TAF7L: variants seen among roughly 807,000 people sequenced by gnomAD.
TAF7L encodes transcription initiation factor TFIID subunit 7-like.
Under a neutral mutation model 30.2 loss-of-function variants are expected in TAF7L, and 6 were observed. The ratio of observed to expected loss-of-function variants is 0.20; its 90% CI spans 0.11 to 0.39. The LOEUF (loss-of-function observed/expected upper bound fraction) is 0.39. TAF7L is among the 10% of genes least tolerant of loss of function. The pLI is 1.00. For synonymous variants in TAF7L, 93 were observed against 94.5 expected, an observed-to-expected ratio of 0.98 and a Z score of 0.09; for missense variants, 284 against 277.1, an observed-to-expected ratio of 1.03 and a Z score of -0.18.
rs755730456 is a variant in TAF7L at position 101,276,426 on chromosome X, TCA to T, written c.792_793del (p.Asp264GlufsTer3). ...CTCCTCCTCTTCTTTGTCTTCATCT[TCA>T]TCCTCATCCTCATCCTCATCCTCAT... On this transcript the variant is annotated frameshift_variant, in exon 10 of 13. Transcript: ENST00000356784. LOFTEE classifies it high-confidence loss of function. 1 of 817,163 alleles carries T rather than the reference TCA, an allele frequency of 1.2e-6. No homozygotes were observed. 67.3% of individuals were successfully genotyped at this position (817,163 alleles called of 1,213,427 possible).
Position 101,276,069 on chromosome X carries a change from G to C in TAF7L, c.957C>G (p.Leu319=). The C allele has an allele frequency of 8.3e-7, 1 of 1,206,560 alleles. No individual in the cohort carries two copies. The highest frequency in any genetic ancestry group is 3.0e-5 in the East Asian group (1 of 33,790). Residue 319 remains leucine (L), a synonymous_variant, in exon 11 of 13, where the codon CTC becomes CTG. Transcript: ENST00000356784. ...TTTGTGCTTTATTCTGAATCTTATG[G>C]AGCTTTTTCTCCTTTTTCTCAATCT... The part of the protein sequence containing the change: ...QKQIEKKEKK[L]HKIQNKAQRQ...
intron 4 of TAF7L, among the ~76,000 whole-genome samples, chrX:101,282,886 C>T (rs953229104): frequency 9.0e-6 from 1 of 111,081 alleles, no homozygotes; most frequent in African/African-American, 3.3e-5. Flanking sequence ...CCACCTCAAT[C>T]TCTAGAATAG....
Position 101,279,044 on chromosome X carries a change from T to C in TAF7L, c.463-9A>G, listed in dbSNP as rs777318216. The stretch of plus-strand genomic sequence containing the variant: ...TCTTTGACATCAGGGACCTATGAAA[T>C]AAAACACAATAAACAAGTTATATTA... On this transcript the variant is annotated splice_polypyrimidine_tract_variant and intron_variant, in intron 6 of 12. Coordinates refer to ENST00000356784, the MANE Select transcript of TAF7L (RefSeq NM_001168474.2). The C allele has an allele frequency of 3.2e-5, 38 of 1,184,056 alleles. No homozygotes were observed. Among genetic ancestry groups the C allele is most frequent in the Non-Finnish European group, 4.1e-5 (36 of 871,982 alleles).
intron 1 of TAF7L, 58 bp from the exon 2 acceptor site, chrX:101,287,603 C>T (rs1467201533): frequency 3.2e-5 from 31 of 961,853 alleles, no homozygotes; most frequent in Non-Finnish European, 4.3e-5. Context: ...TCCTCTTGCT[C>T]CCTCTCCTGA....
In TAF7L at chrX:101,279,008, T is replaced by A. The variant is rs769268408; in HGVS notation, c.490A>T (p.Ser164Cys). ...GATTGCTCTACCTCAGTAAAGCTGC[T>A]TTTTTCCATTTCTTTGACATCAGGG... ...KVPDVKEMEK[S>C]SFTEYIESPD... The change falls in exon 7 of 13, where the codon AGC (serine) becomes TGC (cysteine). Residue 164 changes from serine (S) to cysteine (C), a missense_variant. Ser to Cys is a moderately radical substitution (Grantham distance 112). Coordinates refer to ENST00000356784, the MANE Select transcript of TAF7L (RefSeq NM_001168474.2). 2.0e-5 allele frequency: 24 copies of A among 1,203,543 alleles called. No homozygotes were observed. The highest frequency in any genetic ancestry group is 2.7e-5 in the Non-Finnish European group (24 of 890,099).
intron 12 of TAF7L, 98 bp from the exon 13 acceptor site, chrX:101,269,335 G>A: frequency 1.3e-6 from 1 of 764,074 alleles, no homozygotes; most frequent in Non-Finnish European, 2.0e-6. Context: ...AAGAACTACT[G>A]TTATTTGGCA....
intron 12 of TAF7L, among the ~76,000 whole-genome samples, chrX:101,270,511 A>C (rs755341358): frequency 7.2e-5 from 8 of 111,212 alleles, no homozygotes; most frequent in African/African-American, 2.6e-4. Flanking sequence ...CTTGCTGAAC[A>C]ATCAACCAGG....
intron 12 of TAF7L, among the ~76,000 whole-genome samples, chrX:101,271,128 C>G (rs988894080): frequency 2.7e-5 from 3 of 111,601 alleles, no homozygotes; most frequent in African/African-American, 9.8e-5. Context: ...ATCATAGCTC[C>G]CTGTAGAGCC....
chrX:101,275,112 T>C (rs1327017519), intron 12 of TAF7L, 110 bp downstream of exon 12: 2 of 579,540 alleles, frequency 3.5e-6, no homozygotes, highest in Non-Finnish European at 5.6e-6. Context: ...TTTAGAAGAT[T>C]TGGCTACCAC....
intron 3 of TAF7L, 146 bp from the exon 4 acceptor site, chrX:101,283,729 TA>T: frequency 1.2e-5 from 7 of 600,448 alleles, no homozygotes; most frequent in Non-Finnish European, 1.5e-5. Flanking sequence ...TGTACACAAT[TA>T]ATAGCTTCCT....
At chrX:101,292,918 T>C (rs893892937), upstream of TAF7L, 112 of 1,208,867 alleles carry the variant, frequency 9.3e-5, no homozygotes, top group Non-Finnish European at 1.2e-4. Context: ...GCTGCTTTCA[T>C]AGGTGGTTTC....
At chrX:101,283,364 G>A (rs1162353394) in intron 4 of TAF7L, 86 bp downstream of exon 4, 5 of 1,015,273 alleles carry the variant, frequency 4.9e-6, no homozygotes, top group African/African-American at 1.9e-5. Flanking sequence ...TTCACCAAGT[G>A]GAAAGGAGTA....
At chrX:101,288,210 C>T (rs1029529917) in intron 1 of TAF7L, among the ~76,000 whole-genome samples, 9 of 107,544 alleles carry the variant, frequency 8.4e-5, no homozygotes, top group Admixed American at 8.0e-4. Flanking sequence ...GGTGCGATCT[C>T]GGCTCACTGC....
intron 12 of TAF7L, among the ~76,000 whole-genome samples, chrX:101,270,935 A>G (rs936973525): frequency 9.0e-6 from 1 of 111,389 alleles, no homozygotes; most frequent in African/African-American, 3.3e-5. Flanking sequence ...CTGCTTTCTC[A>G]TGGAATGCAC....
chrX:101,291,207 T>G lies in TAF7L; in HGVS notation c.-3+17A>C. 2 of 727,775 alleles carry G rather than the reference T, an allele frequency of 2.7e-6. No individual in the cohort carries two copies. Among genetic ancestry groups the G allele is most frequent in the Non-Finnish European group, 3.2e-6 (2 of 615,916 alleles). 60.0% of individuals were successfully genotyped at this position (727,775 alleles called of 1,213,427 possible). A position where few individuals can be genotyped will look rare whatever the true frequency, so the allele number is the denominator to read the frequency against. On this transcript the variant is annotated intron_variant, in intron 1 of 12. Transcript: ENST00000356784. ...CGCTGACCCGGTCCCGGCCGCCCGGTCGGCCGCCCGACTCACCCGCTCCTC... is the reference window on the plus strand; with the variant it reads ...CGCTGACCCGGTCCCGGCCGCCCGGGCGGCCGCCCGACTCACCCGCTCCTC...
chrX:101,269,355 T>C, intron 12 of TAF7L, 118 bp from the exon 13 acceptor site: 2 of 643,494 alleles, frequency 3.1e-6, no homozygotes, highest in Non-Finnish European at 4.9e-6. Flanking sequence ...ATTTATAAGG[T>C]TATCTTAGTC....
chrX:101,275,957 A>G (rs763972588), intron 11 of TAF7L, 43 bp downstream of exon 11: 1 of 965,116 alleles, frequency 1.0e-6, no homozygotes, highest in South Asian at 2.2e-5. Context: ...CAAGATACTG[A>G]AAGTAAGATA....
intron 9 of TAF7L, among the ~76,000 whole-genome samples, chrX:101,277,176 A>G (rs1168114452): frequency 1.2e-5 from 1 of 85,004 alleles, no homozygotes; most frequent in East Asian, 3.7e-4. Flanking sequence ...AAAAAAAAAA[A>G]GGCCAGGCAC....
intron 3 of TAF7L, among the ~76,000 whole-genome samples, chrX:101,285,497 C>CAAAA (rs768979097): frequency 4.3e-5 from 1 of 23,119 alleles, no homozygotes; most frequent in African/African-American, 1.2e-4. Context: ...GACTCCATCT[C>CAAAA]AAAAAAAAAA....
Sources: allele counts gnomAD v4.1 joint callset (sites outside exome capture counted in the v4.1 genomes callset), GRCh38; gene constraint gnomAD v4.1.1; transcripts MANE v1.5; gene names NCBI Gene and HGNC (gene_info 2026-07-23, HGNC 2026-07-21).